FAT4: variants seen among roughly 807,000 people sequenced by gnomAD.
The protein encoded by FAT4 is FAT atypical cadherin 4, also known as protocadherin Fat 4.
In FAT4, 84 loss-of-function variants were observed where a neutral mutation model predicts 303.9. The observed-to-expected ratio is 0.28, with a 90% CI of 0.23 to 0.33. FAT4 has a LOEUF of 0.33. Ranked by LOEUF, FAT4 falls within the 10% of genes least tolerant of loss-of-function variation. FAT4 has a pLI of 1.00. For synonymous variants in FAT4, 2,307 were observed against 2,298.8 expected (o/e 1.00, Z -0.10); for missense variants, 6,005 against 6,146.8 (o/e 0.98, Z 0.77).
At chr4:125,396,553 TACAC>T (rs1433306986) in intron 2 of FAT4, among the ~76,000 whole-genome samples, 1 of 151,980 alleles carries the variant, frequency 6.6e-6, no homozygotes, top group Non-Finnish European at 1.5e-5. Context: ...TGCACACATT[TACAC>T]ACACCCACAC....
intron 2 of FAT4, among the ~76,000 whole-genome samples, chr4:125,334,642 C>A (rs1046783536): frequency 3.3e-5 from 5 of 152,100 alleles, no homozygotes; most frequent in African/African-American, 1.2e-4. Context: ...ACATGTATTT[C>A]ATATATTACT....
At chr4:125,384,725 G>A (rs1316920353) in intron 2 of FAT4, among the ~76,000 whole-genome samples, 1 of 151,742 alleles carries the variant, frequency 6.6e-6, no homozygotes, top group Non-Finnish European at 1.5e-5. Context: ...TTTTTACTTA[G>A]AGCAACATGT....
intron 2 of FAT4, among the ~76,000 whole-genome samples, chr4:125,397,138 T>A (rs1734218149): frequency 6.6e-6 from 1 of 151,986 alleles, no homozygotes; most frequent in East Asian, 1.9e-4. Context: ...CCTAACAGCT[T>A]GAAAACCAAG....
At chr4:125,336,852 C>T (rs926350848) in intron 2 of FAT4, among the ~76,000 whole-genome samples, 1 of 151,762 alleles carries the variant, frequency 6.6e-6, no homozygotes, top group African/African-American at 2.4e-5. Context: ...TTAGGCAGAA[C>T]TAGAGTGATA....
chr4:125,445,390 C>A (rs1256990678), intron 8 of FAT4, among the ~76,000 whole-genome samples: 1 of 152,030 alleles, frequency 6.6e-6, no homozygotes, highest in African/African-American at 2.4e-5. Context: ...TTTATATAGA[C>A]ACAAAGCAAA....
chr4:125,362,342 A>T (rs1436526010), intron 2 of FAT4, among the ~76,000 whole-genome samples: 1 of 152,158 alleles, frequency 6.6e-6, no homozygotes, highest in Non-Finnish European at 1.5e-5. Flanking sequence ...CCAGTGTAAG[A>T]GAACATTCTG....
Position 125,452,671 on chromosome 4 carries a change from A to G in FAT4, c.11661A>G (p.Ser3887=). 1 of 1,614,126 alleles carries G rather than the reference A, an allele frequency of 6.2e-7. No homozygotes were observed. The highest frequency in any genetic ancestry group is 8.5e-7 in the Non-Finnish European group (1 of 1,180,014). The change falls in exon 10 of 18, where the codon TCA becomes TCG. Residue 3887 remains serine, a synonymous_variant. Coordinates refer to ENST00000394329, the MANE Select transcript of FAT4 (RefSeq NM_001291303.3). The stretch of plus-strand genomic sequence containing the variant: ...GTCACAATTTAGTGGGAGGATTTTC[A>G]TGCAGCTGCCCAGATGGCTTCACTG... ...GTCHNLVGGF[S]CSCPDGFTGR... is the part of the protein sequence containing the mutation.
At chr4:125,460,079 T>C (rs1726430528) in intron 10 of FAT4, among the ~76,000 whole-genome samples, 1 of 152,014 alleles carries the variant, frequency 6.6e-6, no homozygotes, top group Non-Finnish European at 1.5e-5. Flanking sequence ...TTAAATCTGT[T>C]TTCCTACTAT....
chr4:125,479,876 T>A lies in FAT4; in HGVS notation c.12604+11T>A. Reference sequence around the variant, plus strand: ...AATACTGTGAAAAATGTATGTAAGGTCTTCCGTCTTCCCCTGGAAATTTTA... The same window carrying A: ...AATACTGTGAAAAATGTATGTAAGGACTTCCGTCTTCCCCTGGAAATTTTA... On this transcript the variant is annotated intron_variant, in intron 15 of 17. Transcript: ENST00000394329. 1 of 1,535,068 alleles carries A rather than the reference T, an allele frequency of 6.5e-7. No individual in the cohort carries two copies. The highest frequency in any genetic ancestry group is 8.8e-7 in the Non-Finnish European group (1 of 1,130,888).
intron 12 of FAT4, among the ~76,000 whole-genome samples, chr4:125,471,840 A>G (rs1373835492): frequency 1.4e-5 from 2 of 141,930 alleles, no homozygotes; most frequent in African/African-American, 5.2e-5. Context: ...TCACGAGGTC[A>G]GGAGATCGAG....
In FAT4 at chr4:125,452,643, C is replaced by A. The variant is rs1341466693; in HGVS notation, c.11633C>A (p.Thr3878Asn). ...CCATCACCTTGCCACAGTGGTGGAA[C>A]CTGTCACAATTTAGTGGGAGGATTT... ...CLPSPCHSGGTCHNLVGGFSC... is the reference protein window; with the variant it reads ...CLPSPCHSGGNCHNLVGGFSC... Residue 3878 changes from threonine to asparagine, a missense_variant, in exon 10 of 18, where the codon ACC (threonine) becomes AAC (asparagine). Thr to Asn is a moderately conservative substitution (Grantham distance 65). Transcript: ENST00000394329. 7 of 1,613,936 alleles carry A rather than the reference C, an allele frequency of 4.3e-6. No individual in the cohort carries two copies. Among genetic ancestry groups the A allele is most frequent in the African/African-American group, 2.7e-5 (2 of 74,908 alleles).
rs1042560643 is a variant in FAT4 at position 125,318,514 on chromosome 4, T to C, written c.2103T>C (p.Asn701=). ...AATACTTTGCTCACATTAAGGAGAA[T>C]GAGCCTGGAGGTAGCTACATCACCA... The part of the protein sequence containing the change: ...PVQYFAHIKE[N]EPGGSYITTV... Residue 701 remains asparagine (N), a synonymous_variant, in exon 2 of 18, where the codon AAT becomes AAC. Transcript: ENST00000394329. 42 of 1,614,062 alleles carry C rather than the reference T, an allele frequency of 2.6e-5. No homozygotes were observed. Among genetic ancestry groups the C allele is most frequent in the Non-Finnish European group, 3.6e-5 (42 of 1,180,042 alleles).
intron 2 of FAT4, among the ~76,000 whole-genome samples, chr4:125,391,909 A>G (rs1733990855): frequency 6.6e-6 from 1 of 152,142 alleles, no homozygotes; most frequent in South Asian, 2.1e-4. Flanking sequence ...AAAAATGTAA[A>G]AATGACCTGG....
At chr4:125,484,190 T>C (rs1239700812) in intron 16 of FAT4, among the ~76,000 whole-genome samples, 1 of 151,762 alleles carries the variant, frequency 6.6e-6, no homozygotes, top group Non-Finnish European at 1.5e-5. Context: ...GGTGTCAGTG[T>C]CAGGTGTGGG....
At chr4:125,486,543 C>A (rs183046574) in intron 16 of FAT4, among the ~76,000 whole-genome samples, 1 of 152,126 alleles carries the variant, frequency 6.6e-6, no homozygotes, top group Non-Finnish European at 1.5e-5. Flanking sequence ...GCAGTGGTAA[C>A]AGGATTATGC....
At chr4:125,386,901 T>G (rs192053100) in intron 2 of FAT4, among the ~76,000 whole-genome samples, 39 of 152,248 alleles carry the variant, frequency 2.6e-4, no homozygotes, top group Non-Finnish European at 5.1e-4. Context: ...GTGAAAGACA[T>G]TTTTCCACAT....
chr4:125,387,721 A>G (rs1189138155), intron 2 of FAT4, among the ~76,000 whole-genome samples: 1 of 152,164 alleles, frequency 6.6e-6, no homozygotes, highest in Non-Finnish European at 1.5e-5. Context: ...AGATTCAGAG[A>G]AATAAAACTC....
chr4:125,364,044 A>G (rs970567100), intron 2 of FAT4, among the ~76,000 whole-genome samples: 8 of 152,146 alleles, frequency 5.3e-5, no homozygotes, highest in African/African-American at 1.7e-4. Context: ...GAGCAGAAAC[A>G]GTTGTCCGTT....
chr4:125,449,912 G>A lies in FAT4; in HGVS notation c.8902G>A (p.Glu2968Lys), dbSNP rs1221851597. The A allele has an allele frequency of 6.2e-7, 1 of 1,613,878 alleles. No individual in the cohort carries two copies. Among genetic ancestry groups the A allele is most frequent in the Admixed American group, 1.7e-5 (1 of 59,984 alleles). ...TCGAGGTAAACCTTCCTTAATTAGT[G>A]AGACAACAGTTACCATCAATATAGT... ...SDRGKPSLIS[E>K]TTVTINIVDS... The change falls in exon 10 of 18, where the codon GAG becomes AAG. Residue 2968 changes from glutamate to lysine, a missense_variant. Coordinates refer to ENST00000394329, the MANE Select transcript of FAT4 (RefSeq NM_001291303.3).
Sources: gnomAD v4.1 joint callset for allele counts (sites outside exome capture counted in the v4.1 genomes callset) on GRCh38, gnomAD v4.1.1 for gene constraint, MANE v1.5 for transcripts, NCBI Gene and HGNC (gene_info 2026-07-23, HGNC 2026-07-21) for gene names.